IL1RAP: variants seen among roughly 807,000 people sequenced by gnomAD.
The protein encoded by IL1RAP is interleukin 1 receptor accessory protein, also known as interleukin-1 receptor accessory protein.
IL1RAP carries 35 observed loss-of-function variants against 60.7 expected under a neutral mutation model. That is an observed-to-expected ratio of 0.58 (90% CI 0.44 to 0.76). The LOEUF is 0.76. IL1RAP is among the 30% of genes least tolerant of loss of function. The pLI, the probability that IL1RAP is intolerant of heterozygous loss-of-function variation, is 0.00. For missense variants in IL1RAP, 572 were observed against 693.9 expected (o/e 0.82, Z 1.97); for synonymous variants, 268 against 250.9 (o/e 1.07, Z -0.64).
rs1261680499 is a variant in IL1RAP at position 190,620,454 on chromosome 3, G to A, written c.703+14G>A. On this transcript the variant is annotated intron_variant, in intron 6 of 11. Transcript: ENST00000447382. ...TAAAGGTAGTAGGTAAGCATGATTA[G>A]TGTCCAGTACACACAACAAGCATGT... 1 of 1,603,408 alleles carries A rather than the reference G, an allele frequency of 6.2e-7. No individual in the cohort carries two copies. Among genetic ancestry groups the A allele is most frequent in the Non-Finnish European group, 8.5e-7 (1 of 1,174,176 alleles).
At chr3:190,516,394 G>A (rs1721520181) in intron 1 of IL1RAP, 1 of 152,224 alleles carries the variant, frequency 6.6e-6, no homozygotes. Flanking sequence ...CATGAGGATG[G>A]AAGGGAGATT....
At chr3:190,559,616 C>A (rs1339731167) in intron 2 of IL1RAP, among the ~76,000 whole-genome samples, 1 of 152,086 alleles carries the variant, frequency 6.6e-6, no homozygotes, top group African/African-American at 2.4e-5. Context: ...ATTTCCCTTA[C>A]AACTTTCTTT....
intron 11 of IL1RAP, among the ~76,000 whole-genome samples, chr3:190,647,187 C>T (rs1386984929): frequency 6.6e-6 from 1 of 152,198 alleles, no homozygotes; most frequent in East Asian, 1.9e-4. Context: ...TGCACATGCT[C>T]AGCCTCCAGT....
At chr3:190,608,164 A>G (rs1730509102) in intron 4 of IL1RAP, among the ~76,000 whole-genome samples, 1 of 152,134 alleles carries the variant, frequency 6.6e-6, no homozygotes, top group African/African-American at 2.4e-5. Flanking sequence ...TCTGAGAAAT[A>G]TTTGTTAGCT....
chr3:190,627,149 A>C (rs1243197065), intron 7 of IL1RAP, among the ~76,000 whole-genome samples, 174 bp from the exon 8 acceptor site: 1 of 152,180 alleles, frequency 6.6e-6, no homozygotes, highest in African/African-American at 2.4e-5. Context: ...ATTACTCATA[A>C]GCAGGGTTTC....
chr3:190,569,640 A>G (rs376026400), intron 3 of IL1RAP, among the ~76,000 whole-genome samples: 14 of 149,438 alleles, frequency 9.4e-5, no homozygotes, highest in African/African-American at 3.5e-4. Flanking sequence ...TATTTTAGTT[A>G]CTTATATTTC....
chr3:190,634,715 T>TTG (rs1733065517), intron 9 of IL1RAP, among the ~76,000 whole-genome samples: 1 of 142,782 alleles, frequency 7.0e-6, no homozygotes, highest in Non-Finnish European at 1.5e-5. Flanking sequence ...GTGTTTTTTT[T>TTG]TTTGTTGTTG....
At chr3:190,607,629 G>A (rs750757585) in intron 4 of IL1RAP, among the ~76,000 whole-genome samples, 4 of 152,182 alleles carry the variant, frequency 2.6e-5, no homozygotes, top group Non-Finnish European at 5.9e-5. Context: ...GTGAAATGGA[G>A]GGGGTGGGGG....
chr3:190,603,610 T>C (rs531105583), intron 3 of IL1RAP, among the ~76,000 whole-genome samples: 1 of 152,354 alleles, frequency 6.6e-6, no homozygotes, highest in South Asian at 2.1e-4. Flanking sequence ...ATATTAAAAT[T>C]AATTTCGTCT....
rs534809498 is a variant in IL1RAP, at chr3:190,562,914, C to T, written c.-1-1375C>T. ...GGGAAGAAAACATCATTTAATTTAT[C>T]AGATGAAACAACAGCTTGTGATATG... On this transcript the variant is annotated intron_variant, in intron 2 of 11. Coordinates refer to ENST00000447382, the MANE Select transcript of IL1RAP (RefSeq NM_002182.4). 1.4e-4 allele frequency among the ~76,000 whole-genome samples: 22 copies of T among 152,188 alleles called. No individual in the cohort carries two copies. In the South Asian group the frequency reaches 4.1e-3, roughly 29 times the overall value.
intron 4 of IL1RAP, among the ~76,000 whole-genome samples, chr3:190,606,222 T>C (rs1560207715): frequency 6.6e-6 from 1 of 152,180 alleles, no homozygotes; most frequent in Non-Finnish European, 1.5e-5. Context: ...TCATTATTTA[T>C]GTTCTAATAC....
intron 9 of IL1RAP, among the ~76,000 whole-genome samples, chr3:190,632,665 A>C (rs1490974685): frequency 6.6e-6 from 1 of 152,156 alleles, no homozygotes; most frequent in Non-Finnish European, 1.5e-5. Context: ...TCTTTGCCTA[A>C]AGTTAGAAAG....
chr3:190,553,106 G>T (rs1169458032), intron 1 of IL1RAP, among the ~76,000 whole-genome samples: 1 of 152,238 alleles, frequency 6.6e-6, no homozygotes, highest in African/African-American at 2.4e-5. Context: ...CCTAAGCCAG[G>T]ATTGAATCCC....
intron 7 of IL1RAP, chr3:190,624,763 T>C (rs1193539553): frequency 5.4e-6 from 1 of 185,488 alleles, no homozygotes; most frequent in Non-Finnish European, 1.2e-5. Context: ...ATGTAGGATA[T>C]GTATCAGAGA....
chr3:190,620,190 A>T (rs1221433378), intron 5 of IL1RAP, 85 bp from the exon 6 acceptor site: 1 of 700,004 alleles, frequency 1.4e-6, no homozygotes, highest in Non-Finnish European at 2.3e-6. Flanking sequence ...GTTCTGTGCA[A>T]AATTAGATGT....
intron 1 of IL1RAP, among the ~76,000 whole-genome samples, chr3:190,537,626 A>T (rs3821742): frequency 6.6e-5 from 10 of 152,228 alleles, no homozygotes; most frequent in African/African-American, 2.4e-4. Flanking sequence ...TATAATTTAC[A>T]GAAAGGCAAT....
chr3:190,568,549 T>C (rs902125989), intron 3 of IL1RAP, among the ~76,000 whole-genome samples: 11 of 152,198 alleles, frequency 7.2e-5, no homozygotes, highest in African/African-American at 2.7e-4. Context: ...AATAAATAAA[T>C]AGTAAAAAAC....
At chr3:190,562,834 G>C (rs1726028728) in intron 2 of IL1RAP, among the ~76,000 whole-genome samples, 1 of 152,108 alleles carries the variant, frequency 6.6e-6, no homozygotes, top group Admixed American at 6.6e-5. Context: ...AAGACTGATG[G>C]AGAGAAAAAG....
At chr3:190,566,923 T>C (rs1341022282) in intron 3 of IL1RAP, among the ~76,000 whole-genome samples, 1 of 152,176 alleles carries the variant, frequency 6.6e-6, no homozygotes, top group East Asian at 1.9e-4. Flanking sequence ...CTCCCTGTGC[T>C]CAGGTTCCCA....
Sources: gnomAD v4.1 joint callset for allele counts (sites outside exome capture counted in the v4.1 genomes callset) on GRCh38, gnomAD v4.1.1 for gene constraint, MANE v1.5 for transcripts, NCBI Gene and HGNC (gene_info 2026-07-23, HGNC 2026-07-21) for gene names.